The following COBLL1 variants were observed in gnomAD, a reference collection of about 807,000 sequenced individuals.
COBLL1 encodes the protein cordon-bleu WH2 repeat protein like 1, also known as cordon-bleu protein-like 1.
COBLL1 carries 50 observed loss-of-function variants against 94.8 expected under a neutral mutation model. The observed-to-expected ratio is 0.53, with a 90% CI of 0.42 to 0.67. The LOEUF is 0.67. COBLL1 is among the 30% of genes least tolerant of loss of function. The probability of loss-of-function intolerance (pLI) is 0.00; values close to 1 mark genes in which losing one functional copy is unlikely to be tolerated. For synonymous variants in COBLL1, 448 were observed against 473.8 expected (o/e 0.95, Z 0.71); for missense variants, 1,362 against 1,348.7 (o/e 1.01, Z -0.15).
chr2:164,796,524 G>C (rs963449578), intron 2 of COBLL1, among the ~76,000 whole-genome samples: 1 of 151,922 alleles, frequency 6.6e-6, no homozygotes, highest in Admixed American at 6.6e-5. Context: ...CTCTGCAGAA[G>C]TTTGCTTTAT....
At chr2:164,689,323 T>G (rs1201622800) in intron 13 of COBLL1, among the ~76,000 whole-genome samples, 4 of 152,094 alleles carry the variant, frequency 2.6e-5, no homozygotes, top group Admixed American at 2.6e-4. Context: ...AACATTTGGG[T>G]GCCAAGATAT....
In COBLL1 at chr2:164,683,843, T is replaced by C. The variant is rs1356090347; in HGVS notation, c.*2103A>G. On this transcript the variant is annotated 3_prime_UTR_variant, in exon 14 of 14. Transcript: ENST00000652658. The stretch of plus-strand genomic sequence containing the variant: ...GACTGCTGTGTGGAAGTCTATCATA[T>C]GAATATATGCATTACTAAAGCTGAG... 1 of 152,192 alleles carries C rather than the reference T, an allele frequency of 6.6e-6. No homozygotes were observed. Among genetic ancestry groups the C allele is most frequent in the Non-Finnish European group, 1.5e-5 (1 of 68,030 alleles). The allele number at this position is 152,192 out of a possible 1,614,324, so 9.4% of individuals were successfully genotyped here.
chr2:164,700,637 T>C lies in COBLL1; in HGVS notation c.1345A>G (p.Thr449Ala), dbSNP rs759154893. 1.2e-6 allele frequency: 2 copies of C among 1,612,930 alleles called. No homozygotes were observed. Among genetic ancestry groups the C allele is most frequent in the Non-Finnish European group, 1.7e-6 (2 of 1,178,968 alleles). The change falls in exon 10 of 14, where the codon ACT (threonine) becomes GCT (alanine). Residue 449 changes from threonine to alanine, a missense_variant. Physicochemically the swap from Thr to Ala is moderately conservative, Grantham distance 58. Coordinates refer to ENST00000652658, the MANE Select transcript of COBLL1 (RefSeq NM_001365672.2). ...PKSQDIPFVSTDIINTLKNDP... is the reference protein window; with the variant it reads ...PKSQDIPFVSADIINTLKNDP... ...TTTTTCAGTGTATTTATTATATCAG[T>C]AGATACAAAAGGAATATCTTGTGAC...
intron 2 of COBLL1, among the ~76,000 whole-genome samples, chr2:164,796,705 CAAA>C (rs34412964): frequency 3.9e-3 from 340 of 86,692 alleles, no homozygotes; most frequent in Middle Eastern, 0.023. Flanking sequence ...GCTGGCCTTC[CAAA>C]AAAAAAAAAA....
intron 2 of COBLL1, among the ~76,000 whole-genome samples, chr2:164,837,766 G>A (rs977503897): frequency 2.0e-5 from 3 of 152,060 alleles, no homozygotes; most frequent in African/African-American, 4.8e-5. Flanking sequence ...AAGGAAAACC[G>A]AAACTGTTGT....
At chr2:164,745,216 A>G (rs1040430422) in intron 2 of COBLL1, among the ~76,000 whole-genome samples, 9 of 152,186 alleles carry the variant, frequency 5.9e-5, no homozygotes, top group Non-Finnish European at 1.3e-4. Context: ...CATATGACTC[A>G]TCGTGAAAAG....
intron 1 of COBLL1, among the ~76,000 whole-genome samples, chr2:164,673,622 T>C (rs1236388489): frequency 1.3e-5 from 2 of 152,092 alleles, no homozygotes. Context: ...TGTAGTGAGC[T>C]GAGATCGGGC....
rs1430476202 is a variant in COBLL1, at chr2:164,762,514, T to C, written c.42-18639A>G. 2.0e-5 allele frequency among the ~76,000 whole-genome samples: 3 copies of C among 152,324 alleles called. No individual in the cohort carries two copies. The East Asian group carries it at 5.8e-4, about 29-fold the overall frequency. On this transcript the variant is annotated intron_variant, in intron 2 of 13. Transcript: ENST00000652658. The stretch of plus-strand genomic sequence containing the variant: ...TCAGTTCTAGTATCAATCCAACATA[T>C]ACTGAGCTGTGTCTCAGCTGTCTCG...
intron 13 of COBLL1, among the ~76,000 whole-genome samples, chr2:164,690,578 A>G (rs1236642804): frequency 2.0e-5 from 3 of 152,188 alleles, no homozygotes; most frequent in African/African-American, 7.2e-5. Flanking sequence ...TTCCAACTTA[A>G]TGCAGTTTTC....
intron 2 of COBLL1, among the ~76,000 whole-genome samples, chr2:164,665,197 GGCGGGC>G (rs1172089579): frequency 6.6e-6 from 1 of 152,038 alleles, no homozygotes; most frequent in African/African-American, 2.4e-5. Context: ...CAGGTGTGGT[GGCGGGC>G]GCCTGTAATT....
chr2:164,756,334 G>C (rs917693639), intron 2 of COBLL1, among the ~76,000 whole-genome samples: 3 of 152,146 alleles, frequency 2.0e-5, no homozygotes, highest in African/African-American at 7.2e-5. Flanking sequence ...GAGATGCTAA[G>C]TAACATAATT....
At chr2:164,826,247 T>C (rs1439810546) in intron 2 of COBLL1, among the ~76,000 whole-genome samples, 3 of 152,200 alleles carry the variant, frequency 2.0e-5, no homozygotes, top group African/African-American at 7.2e-5. Context: ...GGGAATGTGA[T>C]TTTCATTGAG....
rs1250241591 is a variant in COBLL1, at chr2:164,684,118, C to T, written c.*1828G>A. 1 of 152,022 alleles carries T rather than the reference C, an allele frequency of 6.6e-6. No individual in the cohort carries two copies. The highest frequency in any genetic ancestry group is 2.4e-5 in the African/African-American group (1 of 41,420). The allele number at this position is 152,022 out of a possible 1,614,324, so 9.4% of individuals were successfully genotyped here. ...CCGTTTTTGCTAATTTGATGTGGTA[C>T]CTTTCCATGTTTTTAACTTGTATTT... On this transcript the variant is annotated 3_prime_UTR_variant, in exon 14 of 14. Coordinates refer to ENST00000652658, the MANE Select transcript of COBLL1 (RefSeq NM_001365672.2).
chr2:164,735,433 C>T (rs780984034), intron 3 of COBLL1, among the ~76,000 whole-genome samples: 4 of 152,144 alleles, frequency 2.6e-5, no homozygotes, highest in Non-Finnish European at 4.4e-5. Context: ...CAAAAATAGA[C>T]TCAGACTAGT....
chr2:164,673,114 T>C (rs905218580), intron 1 of COBLL1, among the ~76,000 whole-genome samples: 1 of 152,248 alleles, frequency 6.6e-6, no homozygotes, highest in Non-Finnish European at 1.5e-5. Context: ...ATAATTCATG[T>C]CTGTTATTCC....
chr2:164,748,865 T>A (rs561416148), intron 2 of COBLL1, among the ~76,000 whole-genome samples: 1 of 152,196 alleles, frequency 6.6e-6, no homozygotes, highest in East Asian at 1.9e-4. Flanking sequence ...CATTGCTTTA[T>A]TAAAATTATC....
At chr2:164,806,553 T>A (rs1684166140) in intron 2 of COBLL1, among the ~76,000 whole-genome samples, 1 of 152,016 alleles carries the variant, frequency 6.6e-6, no homozygotes, top group Non-Finnish European at 1.5e-5. Flanking sequence ...CTATAAAGAG[T>A]GTGTAATGCC....
intron 2 of COBLL1, chr2:164,771,832 G>T (rs1490425783): frequency 1.3e-5 from 2 of 151,828 alleles, no homozygotes; most frequent in Non-Finnish European, 2.9e-5. Flanking sequence ...CTACAGAAAA[G>T]TCATCCAGTT....
At chr2:164,665,125 G>A (rs534459779) in intron 2 of COBLL1, among the ~76,000 whole-genome samples, 12 of 152,308 alleles carry the variant, frequency 7.9e-5, no homozygotes, top group African/African-American at 2.6e-4. Context: ...GAGGTCAGGA[G>A]TTTGAGACCA....
Sources: allele counts gnomAD v4.1 joint callset (sites outside exome capture counted in the v4.1 genomes callset), GRCh38; gene constraint gnomAD v4.1.1; transcripts MANE v1.5; gene names NCBI Gene and HGNC (gene_info 2026-07-23, HGNC 2026-07-21).